The following DIAPH1 variants were observed in gnomAD, a reference collection of about 807,000 sequenced individuals.
The protein encoded by DIAPH1 is protein diaphanous homolog 1.
Under a neutral mutation model 140.7 loss-of-function variants are expected in DIAPH1, and 46 were observed. The observed-to-expected ratio is 0.33, with a 90% CI of 0.26 to 0.42. DIAPH1 has a LOEUF of 0.42. Among genes scored for constraint, DIAPH1 ranks in the 10% least tolerant of loss-of-function variants. The pLI, the probability that DIAPH1 is intolerant of heterozygous loss-of-function variation, is 1.00. For missense variants in DIAPH1, 1,310 were observed against 1,558.7 expected, an observed-to-expected ratio of 0.84 and a Z score of 2.69; for synonymous variants, 565 against 551.6, an observed-to-expected ratio of 1.02 and a Z score of -0.34.
chr5:141,576,783 G>A lies in DIAPH1; in HGVS notation c.1369C>T (p.Leu457Phe). Residue 457 changes from leucine to phenylalanine, a missense_variant, in exon 13 of 28, where the codon CTC (leucine) becomes TTC (phenylalanine). Coordinates refer to ENST00000389054, the MANE Select transcript of DIAPH1 (RefSeq NM_005219.5). ...GADPDFKCRH[L>F]QIEIEGLIDQ... ...ATTAATCCCTCAATCTCAATCTGGAGGTGCCGGCACTTGAAGTCAGGATCA... is the reference window on the plus strand; with the variant it reads ...ATTAATCCCTCAATCTCAATCTGGAAGTGCCGGCACTTGAAGTCAGGATCA... 6.2e-7 allele frequency: 1 copy of A among 1,613,492 alleles called. No homozygotes were observed. The highest frequency in any genetic ancestry group is 1.1e-5 in the South Asian group (1 of 91,076).
intron 18 of DIAPH1, among the ~76,000 whole-genome samples, chr5:141,535,405 G>T (rs2099888855): frequency 6.6e-6 from 1 of 152,144 alleles, no homozygotes; most frequent in South Asian, 2.1e-4. Context: ...CCTGATAAAT[G>T]ATACTCACTC....
chr5:141,606,871 G>C (rs1000242019), intron 1 of DIAPH1, among the ~76,000 whole-genome samples: 1 of 151,234 alleles, frequency 6.6e-6, no homozygotes, highest in Non-Finnish European at 1.5e-5. Context: ...ACTTTGGTGA[G>C]AGAGAATTAA....
rs1193471720 is a variant in DIAPH1 at position 141,565,759 on chromosome 5, T to C, written c.2482+5669A>G. 1.8e-4 allele frequency among the ~76,000 whole-genome samples: 27 copies of C among 152,136 alleles called. No individual in the cohort carries two copies. The highest frequency in any genetic ancestry group is 1.8e-3 in the Admixed American group (27 of 15,276). On this transcript the variant is annotated intron_variant, in intron 18 of 27. Transcript: ENST00000389054. This position sits in a 1 kb window ranked among gnomAD's most constrained non-coding sequence, Gnocchi z 4.3. ...TGCTTCAAATATGAGTGCCTGGCAG[T>C]ATCAAGGGCCAAGCAACTTCACAAA...
chr5:141,576,895 C>T, intron 12 of DIAPH1, 24 bp from the exon 13 acceptor site: 1 of 1,339,406 alleles, frequency 7.5e-7, no homozygotes, highest in Non-Finnish European at 1.1e-6. Flanking sequence ...AAAACAGGGT[C>T]ATCAAAGGAA....
chr5:141,581,465 G>A (rs1192369042), intron 7 of DIAPH1, among the ~76,000 whole-genome samples: 1 of 152,134 alleles, frequency 6.6e-6, no homozygotes, highest in Non-Finnish European at 1.5e-5. Flanking sequence ...AATTTTCTAG[G>A]AGGCACAACA....
In DIAPH1 at chr5:141,526,465, C is replaced by T. The variant is rs2099887338; in HGVS notation, c.3274-4G>A. On this transcript the variant is annotated splice_region_variant and splice_polypyrimidine_tract_variant and intron_variant, in intron 24 of 27. Transcript: ENST00000389054. ...CCTGTGCATCCTTCACAAAGCTGTG[C>T]AGCCAAGGAGTAAAGGACCAAGACC... 6.2e-7 allele frequency: 1 copy of T among 1,613,940 alleles called. No homozygotes were observed. The highest frequency in any genetic ancestry group is 8.5e-7 in the Non-Finnish European group (1 of 1,180,010).
At chr5:141,589,781 A>T (rs1388476661) in intron 1 of DIAPH1, among the ~76,000 whole-genome samples, 1 of 152,070 alleles carries the variant, frequency 6.6e-6, no homozygotes, top group Non-Finnish European at 1.5e-5. Flanking sequence ...TTCTGTATAC[A>T]TGTTATACTT....
At chr5:141,545,615 C>T (rs2099890676) in intron 18 of DIAPH1, among the ~76,000 whole-genome samples, 1 of 152,104 alleles carries the variant, frequency 6.6e-6, no homozygotes, top group Non-Finnish European at 1.5e-5. Context: ...CTGTACTCAG[C>T]CTGGGCAACA....
At chr5:141,533,077 T>A (rs1016653985) in intron 19 of DIAPH1, among the ~76,000 whole-genome samples, 9 of 152,252 alleles carry the variant, frequency 5.9e-5, no homozygotes, top group African/African-American at 2.2e-4. Context: ...GTATGTGTAC[T>A]TATTGGCTGT....
chr5:141,529,590 C>T lies in DIAPH1; in HGVS notation c.2676+13G>A, dbSNP rs1156551574. The T allele has an allele frequency of 1.9e-6, 3 of 1,608,378 alleles. No homozygotes were observed. The highest frequency in any genetic ancestry group is 8.5e-7 in the Non-Finnish European group (1 of 1,174,830). ...AGAAGAGCCTGCTCCAGCAGAACCA[C>T]CTTACTCCTTACCTGGATCATAGAC... On this transcript the variant is annotated intron_variant, in intron 20 of 27. Transcript: ENST00000389054.
At chr5:141,517,203 T>A (rs891831041) in intron 27 of DIAPH1, among the ~76,000 whole-genome samples, 195 bp from the exon 28 acceptor site, 1 of 151,818 alleles carries the variant, frequency 6.6e-6, no homozygotes, top group Non-Finnish European at 1.5e-5. Context: ...TGTAAGAGAG[T>A]GTGGTGCAAC....
At chr5:141,605,715 C>T (rs2099900822) in intron 1 of DIAPH1, among the ~76,000 whole-genome samples, 1 of 152,194 alleles carries the variant, frequency 6.6e-6, no homozygotes, top group African/African-American at 2.4e-5. Context: ...GAGGCTGGGT[C>T]AGATCATTTC....
chr5:141,570,358 A>G (rs1334560107), intron 18 of DIAPH1, among the ~76,000 whole-genome samples: 1 of 152,228 alleles, frequency 6.6e-6, no homozygotes, highest in African/African-American at 2.4e-5. Flanking sequence ...CCATCCCAGT[A>G]TTTTAATTAA....
chr5:141,575,966 C>T (rs1236756965), intron 14 of DIAPH1, among the ~76,000 whole-genome samples: 1 of 152,190 alleles, frequency 6.6e-6, no homozygotes, highest in Non-Finnish European at 1.5e-5. Flanking sequence ...AGTGCCATTA[C>T]TATTACATGA....
intron 18 of DIAPH1, among the ~76,000 whole-genome samples, chr5:141,557,217 T>C (rs2099892749): frequency 6.6e-6 from 1 of 152,216 alleles, no homozygotes. Flanking sequence ...AATGTGATAA[T>C]GGTAGTAATT....
At chr5:141,591,078 T>C (rs947435752) in intron 1 of DIAPH1, among the ~76,000 whole-genome samples, 2 of 152,166 alleles carry the variant, frequency 1.3e-5, no homozygotes, top group Non-Finnish European at 2.9e-5. Context: ...CTCCTGGCTT[T>C]TCCCCCCAGT....
intron 14 of DIAPH1, among the ~76,000 whole-genome samples, chr5:141,575,473 C>A (rs416250): frequency 1 from 152,233 of 152,238 alleles, 76,114 homozygotes; most frequent in Middle Eastern, 1. Flanking sequence ...ACATGGTGAA[C>A]CCTAGCCTCT....
Position 141,516,953 on chromosome 5 carries a change from C to A in DIAPH1, c.3717G>T (p.Lys1239Asn). 1 of 1,614,238 alleles carries A rather than the reference C, an allele frequency of 6.2e-7. No individual in the cohort carries two copies. The highest frequency in any genetic ancestry group is 8.5e-7 in the Non-Finnish European group (1 of 1,180,038). Residue 1239 changes from lysine to asparagine, a missense_variant, in exon 28 of 28, where the codon AAG (lysine) becomes AAT (asparagine). Coordinates refer to ENST00000389054, the MANE Select transcript of DIAPH1 (RefSeq NM_005219.5). ...CAGGAACAGCAGCCATGGCATCATCCTTGGTCAGCTCCGAAGCTAGCAGAG... is the reference window on the plus strand; with the variant it reads ...CAGGAACAGCAGCCATGGCATCATCATTGGTCAGCTCCGAAGCTAGCAGAG... ...VTSLLASELT[K>N]DDAMAAVPAK...
chr5:141,602,886 A>T (rs1013565160), intron 1 of DIAPH1, among the ~76,000 whole-genome samples: 2 of 152,156 alleles, frequency 1.3e-5, no homozygotes, highest in Non-Finnish European at 2.9e-5. Context: ...TTCATCTAGC[A>T]TTTACAGAGA....
Sources: gnomAD v4.1 joint callset for allele counts (sites outside exome capture counted in the v4.1 genomes callset) on GRCh38, gnomAD v4.1.1 for gene constraint, Gnocchi (gnomAD v3.1) non-coding constraint, MANE v1.5 for transcripts, NCBI Gene and HGNC (gene_info 2026-07-23, HGNC 2026-07-21) for gene names.